DYNC1I1: variants seen among roughly 807,000 people sequenced by gnomAD.
DYNC1I1 encodes the protein dynein cytoplasmic 1 intermediate chain 1, also known as cytoplasmic dynein 1 intermediate chain 1.
A neutral mutation model predicts 86.6 loss-of-function variants in DYNC1I1; 43 were observed. That is an observed-to-expected ratio of 0.50 (90% CI 0.39 to 0.64). DYNC1I1 has a LOEUF of 0.64. DYNC1I1 is among the 30% of genes least tolerant of loss of function. The pLI is 0.00. For missense variants in DYNC1I1, 604 were observed against 788.8 expected, an observed-to-expected ratio of 0.77 and a Z score of 2.81; for synonymous variants, 262 against 283.7, an observed-to-expected ratio of 0.92 and a Z score of 0.77.
At chr7:96,104,033 G>A (rs1447468689) in intron 16 of DYNC1I1, among the ~76,000 whole-genome samples, 1 of 152,066 alleles carries the variant, frequency 6.6e-6, no homozygotes, top group Admixed American at 6.6e-5. Flanking sequence ...GCATATACTC[G>A]CTGACTAATG....
chr7:95,947,051 A>G (rs319346), intron 6 of DYNC1I1, among the ~76,000 whole-genome samples: 149,690 of 152,302 alleles, frequency 0.98, 73,580 homozygotes, highest in Middle Eastern at 1. Context: ...AAGCCCTGGT[A>G]CAGGTAGAAA....
chr7:95,841,420 G>C (rs956239851), intron 5 of DYNC1I1, among the ~76,000 whole-genome samples: 19 of 149,932 alleles, frequency 1.3e-4, no homozygotes, highest in Middle Eastern at 7.0e-3. Flanking sequence ...GAGAATCTGA[G>C]AGCTGTGCAT....
intron 6 of DYNC1I1, among the ~76,000 whole-genome samples, chr7:95,874,645 A>AAG (rs57425892): frequency 6.5e-4 from 97 of 150,200 alleles, no homozygotes; most frequent in African/African-American, 2.2e-3. Context: ...TTAGAAAAAG[A>AAG]AGAGAGAGAG....
chr7:95,899,879 A>T (rs553645455), intron 6 of DYNC1I1, among the ~76,000 whole-genome samples: 1 of 152,192 alleles, frequency 6.6e-6, no homozygotes, highest in Admixed American at 6.5e-5. Context: ...CTTCTATTCT[A>T]CCTCTGTATG....
At chr7:95,888,694 C>T in intron 6 of DYNC1I1, among the ~76,000 whole-genome samples, 1 of 152,134 alleles carries the variant, frequency 6.6e-6, no homozygotes, top group Non-Finnish European at 1.5e-5. Context: ...TTCGGCAGGC[C>T]ACCTCTGAGT....
intron 15 of DYNC1I1, among the ~76,000 whole-genome samples, chr7:96,077,647 C>CA (rs564574268): frequency 2.8e-4 from 42 of 151,978 alleles, no homozygotes; most frequent in African/African-American, 9.6e-4. Flanking sequence ...TTAAAGCAAC[C>CA]AAAAAAACTA....
At chr7:95,864,501 C>G (rs948902146) in intron 5 of DYNC1I1, among the ~76,000 whole-genome samples, 2 of 152,108 alleles carry the variant, frequency 1.3e-5, no homozygotes, top group African/African-American at 4.8e-5. Flanking sequence ...GCCAAGTTGA[C>G]AGGACAAGGT....
intron 6 of DYNC1I1, among the ~76,000 whole-genome samples, chr7:95,879,628 A>T (rs1393895965): frequency 1.6e-4 from 25 of 152,188 alleles, no homozygotes; most frequent in Admixed American, 1.6e-3. Flanking sequence ...AGGGCAGGAG[A>T]GCTCTGTGTG....
chr7:95,776,625 G>A (rs942050314), intron 1 of DYNC1I1, among the ~76,000 whole-genome samples: 1 of 152,154 alleles, frequency 6.6e-6, no homozygotes, highest in African/African-American at 2.4e-5. Flanking sequence ...GAAATGTATC[G>A]AAGACAAAGC....
intron 10 of DYNC1I1, among the ~76,000 whole-genome samples, chr7:95,996,999 A>G (rs1432238319): frequency 6.6e-6 from 1 of 152,208 alleles, no homozygotes; most frequent in Non-Finnish European, 1.5e-5. Context: ...TTGAACTAAA[A>G]TATGTTTAGA....
chr7:96,004,384 GT>G (rs1794089975), intron 10 of DYNC1I1, among the ~76,000 whole-genome samples: 1 of 151,832 alleles, frequency 6.6e-6, no homozygotes, highest in Non-Finnish European at 1.5e-5. Context: ...TAACTTCACT[GT>G]TTTTTGTTCT....
intron 6 of DYNC1I1, among the ~76,000 whole-genome samples, chr7:95,970,766 A>G (rs1793145990): frequency 6.6e-6 from 1 of 152,164 alleles, no homozygotes; most frequent in Non-Finnish European, 1.5e-5. Context: ...TTTGAGGGAC[A>G]TTTACTCTGG....
At chr7:96,068,855 T>C (rs1790074790) in intron 14 of DYNC1I1, among the ~76,000 whole-genome samples, 1 of 152,204 alleles carries the variant, frequency 6.6e-6, no homozygotes, top group African/African-American at 2.4e-5. Context: ...AGCCAGATGT[T>C]AGAGTAAAAG....
chr7:95,880,728 C>G (rs2116223365), intron 6 of DYNC1I1, among the ~76,000 whole-genome samples: 1 of 150,720 alleles, frequency 6.6e-6, no homozygotes, highest in South Asian at 2.1e-4. Flanking sequence ...TCACTGCAAC[C>G]TCCGCCTCCT....
chr7:95,965,379 G>C (rs1792983513), intron 6 of DYNC1I1, among the ~76,000 whole-genome samples: 1 of 152,164 alleles, frequency 6.6e-6, no homozygotes, highest in Non-Finnish European at 1.5e-5. Context: ...ATGGAATGTG[G>C]AGCTTCAAAA....
intron 6 of DYNC1I1, among the ~76,000 whole-genome samples, chr7:95,930,166 C>G (rs191554630): frequency 9.8e-4 from 150 of 152,308 alleles, no homozygotes; most frequent in Admixed American, 2.1e-3. Flanking sequence ...TCTAGCCTGG[C>G]TGGTTGCTAA....
intron 1 of DYNC1I1, among the ~76,000 whole-genome samples, chr7:95,784,507 C>T (rs766199729): frequency 1.3e-5 from 2 of 152,130 alleles, no homozygotes; most frequent in Non-Finnish European, 2.9e-5. Context: ...CCCACCCACT[C>T]CTTGAATGCA....
intron 10 of DYNC1I1, among the ~76,000 whole-genome samples, chr7:96,011,836 C>G (rs1442766931): frequency 6.6e-6 from 1 of 152,070 alleles, no homozygotes; most frequent in African/African-American, 2.4e-5. Flanking sequence ...TGGCATTTGG[C>G]AAATATAATA....
intron 10 of DYNC1I1, among the ~76,000 whole-genome samples, chr7:96,022,869 CAAT>C (rs578184278): frequency 9.3e-5 from 14 of 150,522 alleles, no homozygotes; most frequent in East Asian, 5.9e-4. Flanking sequence ...GACCTTGTCT[CAAT>C]AATAATAATA....
Sources: allele counts gnomAD v4.1 joint callset (sites outside exome capture counted in the v4.1 genomes callset), GRCh38; gene constraint gnomAD v4.1.1; transcripts MANE v1.5; gene names NCBI Gene and HGNC (gene_info 2026-07-23, HGNC 2026-07-21).